Variants in GUCY1A2 observed in about 807,000 individuals in gnomAD.
GUCY1A2 encodes the protein guanylate cyclase soluble subunit alpha-2.
Under a neutral mutation model 63.5 loss-of-function variants are expected in GUCY1A2, and 27 were observed. That is an observed-to-expected ratio of 0.43 (90% CI 0.31 to 0.59). The LOEUF is 0.59. GUCY1A2 is among the 20% of genes least tolerant of loss of function. The probability of loss-of-function intolerance (pLI) is 0.11; values close to 1 mark genes in which losing one functional copy is unlikely to be tolerated. For missense variants in GUCY1A2, 768 were observed against 913.3 expected (o/e 0.84, Z 2.05); for synonymous variants, 364 against 343.5 (o/e 1.06, Z -0.66).
At chr11:106,827,160 A>G in intron 4 of GUCY1A2, 1 of 1,497,392 alleles carries the variant, frequency 6.7e-7, no homozygotes, top group Non-Finnish European at 9.3e-7. Flanking sequence ...TTGTTCCTTT[A>G]AGATTCAAGC....
rs903641548 is a variant in GUCY1A2 at position 106,684,950 on chromosome 11, A to AT, written c.*2598dup. 2 of 202,898 alleles carry AT rather than the reference A, an allele frequency of 9.9e-6. No individual in the cohort carries two copies. The highest frequency in any genetic ancestry group is 2.0e-5 in the Non-Finnish European group (2 of 98,886). 12.6% of individuals were successfully genotyped at this position (202,898 alleles called of 1,614,324 possible). On this transcript the variant is annotated 3_prime_UTR_variant, in exon 8 of 8. Transcript: ENST00000526355. ...ATTGTGTAGGACAAATAAAAATATA[A>AT]TTTTTTCTCCATCTTCTAACTTCTG...
chr11:106,915,009 C>T (rs1860350972), intron 4 of GUCY1A2, among the ~76,000 whole-genome samples: 1 of 152,080 alleles, frequency 6.6e-6, no homozygotes, highest in Non-Finnish European at 1.5e-5. Context: ...GTACAGCAAT[C>T]CTGCAAAAGT....
chr11:106,697,278 G>A (rs1862736571), intron 7 of GUCY1A2, among the ~76,000 whole-genome samples: 1 of 152,172 alleles, frequency 6.6e-6, no homozygotes, highest in South Asian at 2.1e-4. Flanking sequence ...CTGCAGAAAG[G>A]ATTCTTAACA....
At position 106,928,382 on chromosome 11, in the gene GUCY1A2, A is replaced by G. The variant is rs569741757; in HGVS notation, c.1206+11078T>C. Among the ~76,000 whole-genome samples the G allele has an allele frequency of 2.6e-5, 4 of 152,274 alleles. No individual in the cohort carries two copies. In the East Asian group the frequency reaches 5.8e-4, roughly 22 times the overall value. On this transcript the variant is annotated intron_variant, in intron 4 of 7. Transcript: ENST00000526355. ...ACAGATGAGTCTGTGCTGACAAGAA[A>G]TATAATTCTTGACCTCTCCTTCAAA...
At chr11:106,858,679 A>C (rs1859469627) in intron 4 of GUCY1A2, among the ~76,000 whole-genome samples, 1 of 152,126 alleles carries the variant, frequency 6.6e-6, no homozygotes. Flanking sequence ...AATGGATTAC[A>C]AATATGTGAG....
intron 3 of GUCY1A2, among the ~76,000 whole-genome samples, chr11:106,945,111 G>GAC (rs149041032): frequency 1.4e-5 from 2 of 146,206 alleles, no homozygotes; most frequent in Admixed American, 6.8e-5. Flanking sequence ...AAGAAACACA[G>GAC]ACACACACAC....
In GUCY1A2 at chr11:106,940,105, T is replaced by C. The variant is rs1175929224; in HGVS notation, c.561A>G (p.Arg187=). ...FFNICFHENE[R]VLRAVGGTLQ... is the part of the protein sequence containing the mutation. ...AAGTGCCACCTACAGCTCGAAGGAC[T>C]CTCTCATTCTCATGAAAGCATATAT... is the stretch of plus-strand genomic sequence containing the variant. The change falls in exon 4 of 8, where the codon AGA becomes AGG. Residue 187 remains arginine, a synonymous_variant. Transcript: ENST00000526355. 6.2e-7 allele frequency: 1 copy of C among 1,612,852 alleles called. No homozygotes were observed. Among genetic ancestry groups the C allele is most frequent in the South Asian group, 1.1e-5 (1 of 91,036 alleles).
intron 4 of GUCY1A2, among the ~76,000 whole-genome samples, chr11:106,811,073 G>GA (rs1858755756): frequency 6.6e-6 from 1 of 151,730 alleles, no homozygotes; most frequent in Admixed American, 6.6e-5. Flanking sequence ...AGCATTATCA[G>GA]AAAATATCAC....
chr11:106,977,653 A>T (rs1019318795), intron 3 of GUCY1A2, among the ~76,000 whole-genome samples: 1 of 152,074 alleles, frequency 6.6e-6, no homozygotes, highest in African/African-American at 2.4e-5. Context: ...GGTAACCTGG[A>T]AACTGTTTGT....
At chr11:106,745,582 T>C (rs906023381) in intron 6 of GUCY1A2, among the ~76,000 whole-genome samples, 1 of 152,224 alleles carries the variant, frequency 6.6e-6, no homozygotes, top group African/African-American at 2.4e-5. Context: ...CAATGTTTAT[T>C]TTGTAGCAAC....
intron 6 of GUCY1A2, among the ~76,000 whole-genome samples, chr11:106,753,622 A>C (rs948216934): frequency 2.2e-4 from 33 of 151,936 alleles, no homozygotes; most frequent in Non-Finnish European, 4.3e-4. Context: ...TAAATAGGGA[A>C]TCCTTTTCCT....
At chr11:106,856,531 T>C (rs11211948) in intron 4 of GUCY1A2, among the ~76,000 whole-genome samples, 43,290 of 152,094 alleles carry the variant, frequency 0.28, 6,321 homozygotes, top group East Asian at 0.41. Context: ...AGGATTAATT[T>C]TGAAGATAAA....
chr11:106,938,380 TA>T (rs1860707313), intron 4 of GUCY1A2, among the ~76,000 whole-genome samples: 1 of 152,232 alleles, frequency 6.6e-6, no homozygotes, highest in African/African-American at 2.4e-5. Context: ...TTTCCTCATT[TA>T]TTTATTATTA....
intron 5 of GUCY1A2, among the ~76,000 whole-genome samples, chr11:106,794,636 C>T (rs920766371): frequency 2.6e-5 from 4 of 151,926 alleles, no homozygotes; most frequent in African/African-American, 4.8e-5. Context: ...TAAATTTATA[C>T]TATTTTTATT....
intron 6 of GUCY1A2, among the ~76,000 whole-genome samples, chr11:106,753,930 A>G (rs900032321): frequency 5.9e-5 from 9 of 152,288 alleles, no homozygotes; most frequent in African/African-American, 2.2e-4. Context: ...CATTGAATCT[A>G]TGAATTACTT....
At chr11:106,944,602 T>C (rs1159127276) in intron 3 of GUCY1A2, among the ~76,000 whole-genome samples, 1 of 152,174 alleles carries the variant, frequency 6.6e-6, no homozygotes, top group Non-Finnish European at 1.5e-5. Flanking sequence ...GACACAAGGT[T>C]ACCTATATAA....
chr11:106,839,833 G>A (rs1859171512), intron 4 of GUCY1A2, among the ~76,000 whole-genome samples: 1 of 138,760 alleles, frequency 7.2e-6, no homozygotes, highest in Admixed American at 7.8e-5. Flanking sequence ...CACAGGAAGG[G>A]GAACATCACA....
chr11:106,701,342 C>T (rs1424419408), intron 7 of GUCY1A2, among the ~76,000 whole-genome samples: 1 of 151,614 alleles, frequency 6.6e-6, no homozygotes, highest in Non-Finnish European at 1.5e-5. Flanking sequence ...ACAGACACTC[C>T]AAATAAACAC....
chr11:106,788,117 T>G (rs1231752462), intron 5 of GUCY1A2, among the ~76,000 whole-genome samples: 1 of 152,208 alleles, frequency 6.6e-6, no homozygotes, highest in African/African-American at 2.4e-5. Flanking sequence ...TACTTTTGAT[T>G]TGCATTTCTC....
Sources: allele counts gnomAD v4.1 joint callset (sites outside exome capture counted in the v4.1 genomes callset), GRCh38; gene constraint gnomAD v4.1.1; transcripts MANE v1.5; gene names NCBI Gene and HGNC (gene_info 2026-07-23, HGNC 2026-07-21).